The following PIEZO1 variants were observed in gnomAD, a reference collection of about 807,000 sequenced individuals.
PIEZO1 encodes the protein piezo-type mechanosensitive ion channel component 1.
Under a neutral mutation model 297.2 loss-of-function variants are expected in PIEZO1, and 296 were observed. The ratio of observed to expected loss-of-function variants is 1.00; its 90% CI spans 0.91 to 1.10. The LOEUF is 1.10. Ranked by LOEUF, PIEZO1 falls within the 50% of genes least tolerant of loss-of-function variation. PIEZO1 has a pLI of 0.00. For synonymous variants in PIEZO1, 2,427 were observed against 1,507.5 expected, an observed-to-expected ratio of 1.61 and a Z score of -14.13; for missense variants, 5,018 against 3,455.5, an observed-to-expected ratio of 1.45 and a Z score of -11.34.
At chr16:88,730,311 GC>G (rs1256057472) in intron 22 of PIEZO1, among the ~76,000 whole-genome samples, 1 of 152,236 alleles carries the variant, frequency 6.6e-6, no homozygotes, top group Admixed American at 6.5e-5. Flanking sequence ...ACAAGACGGG[GC>G]CGGGCGTGGC....
rs1220723783 is a variant in PIEZO1, at chr16:88,734,668, G to C, written c.1979C>G (p.Thr660Ser). 1.9e-6 allele frequency: 3 copies of C among 1,550,322 alleles called. No individual in the cohort carries two copies. Among genetic ancestry groups the C allele is most frequent in the Admixed American group, 3.9e-5 (2 of 51,016 alleles). The change falls in exon 15 of 51, where the codon ACT (threonine) becomes AGT (serine). Residue 660 changes from threonine (T) to serine (S), a missense_variant. Thr to Ser is a moderately conservative substitution (Grantham distance 58). Coordinates refer to ENST00000301015, the MANE Select transcript of PIEZO1 (RefSeq NM_001142864.4). ...GACTCACTGCTCGTCGGTGAAGCCA[G>C]TGAGGTTGCGCCAGTAGGCAGGGAA... ...QDFPAYWRNLTGFTDEQLGDL... is the reference protein window; with the variant it reads ...QDFPAYWRNLSGFTDEQLGDL...
intron 2 of PIEZO1, among the ~76,000 whole-genome samples, 158 bp from the exon 3 acceptor site, chr16:88,742,580 C>G (rs1905756818): frequency 6.6e-6 from 1 of 152,200 alleles, no homozygotes; most frequent in Non-Finnish European, 1.5e-5. Context: ...GGCCGGCCAG[C>G]CCCACTCCCC....
In PIEZO1 at chr16:88,738,697, C is replaced by T. The variant is rs1436253875; in HGVS notation, c.505G>A (p.Gly169Arg). 2.6e-6 allele frequency: 4 copies of T among 1,533,880 alleles called. No homozygotes were observed. The South Asian group carries it at 3.6e-5, about 14-fold the overall frequency. Residue 169 changes from glycine to arginine, a missense_variant, in exon 6 of 51, where the codon GGG becomes AGG. Coordinates refer to ENST00000301015, the MANE Select transcript of PIEZO1 (RefSeq NM_001142864.4). ...GCCAGCGTTGCTGCTTCCTGCAGCC[C>T]TGCCGTCGGGCTGGCATCCACATCC... is the stretch of plus-strand genomic sequence containing the variant. ...ERDVDASPTA[G>R]LQEAATLAPT...
Position 88,721,422 on chromosome 16 carries a change from G to A in PIEZO1, c.5412C>T (p.Gly1804=), listed in dbSNP as rs1363679530. The A allele has an allele frequency of 4.5e-6, 7 of 1,548,162 alleles. No individual in the cohort carries two copies. Among genetic ancestry groups the A allele is most frequent in the Middle Eastern group, 1.7e-4 (1 of 5,976 alleles). The change falls in exon 39 of 51, where the codon GGC becomes GGT. Residue 1804 remains glycine (G), a synonymous_variant. Transcript: ENST00000301015. ...FFHRSQLLCY[G]LWDHEEDSPS... ...GTGAGTCCTCCTCATGGTCCCAGAGGCCATAGCACTGAGGGGCGGGAGGGT... is the reference window on the plus strand; with the variant it reads ...GTGAGTCCTCCTCATGGTCCCAGAGACCATAGCACTGAGGGGCGGGAGGGT...
intron 1 of PIEZO1, among the ~76,000 whole-genome samples, chr16:88,781,358 A>G (rs995031659): frequency 1.3e-5 from 2 of 152,136 alleles, no homozygotes; most frequent in Admixed American, 6.5e-5. Context: ...GGCACCAGTG[A>G]CCCGCTGCGG....
rs1302233746 is a variant in PIEZO1, at chr16:88,734,642, G to A, written c.1997+8C>T. On this transcript the variant is annotated splice_region_variant and intron_variant, in intron 15 of 50. Transcript: ENST00000301015. ...CGCCCCTGCCCCACCGCCCCAGCCT[G>A]GACTCACTGCTCGTCGGTGAAGCCA... 2 of 1,550,156 alleles carry A rather than the reference G, an allele frequency of 1.3e-6. No individual in the cohort carries two copies. Among genetic ancestry groups the A allele is most frequent in the Non-Finnish European group, 1.7e-6 (2 of 1,146,862 alleles).
At chr16:88,776,744 C>G (rs1163524342) in intron 1 of PIEZO1, among the ~76,000 whole-genome samples, 1 of 152,230 alleles carries the variant, frequency 6.6e-6, no homozygotes, top group Non-Finnish European at 1.5e-5. Context: ...GACTGTGGGG[C>G]TGGACCCTGG....
intron 1 of PIEZO1, among the ~76,000 whole-genome samples, chr16:88,784,372 C>T (rs1353171063): frequency 2.0e-5 from 3 of 152,218 alleles, no homozygotes; most frequent in Non-Finnish European, 4.4e-5. Flanking sequence ...CAGCGGTGAG[C>T]GGGGCTGGGC....
chr16:88,748,803 C>T (rs1416394771), intron 2 of PIEZO1, among the ~76,000 whole-genome samples: 1 of 151,696 alleles, frequency 6.6e-6, no homozygotes, highest in Non-Finnish European at 1.5e-5. Context: ...CGTGGTGGCT[C>T]ACACCTGTAA....
At position 88,736,755 on chromosome 16, in the gene PIEZO1, G is replaced by A; in HGVS notation, c.1196-16C>T. On this transcript the variant is annotated splice_polypyrimidine_tract_variant and intron_variant, in intron 10 of 50. Transcript: ENST00000301015. ...TTGGGCCGCACTGCAGGTGGGGACA[G>A]CGGTCAGCTTCGGCAGGTTGATCTG... 6.7e-7 allele frequency: 1 copy of A among 1,487,784 alleles called. No homozygotes were observed. The highest frequency in any genetic ancestry group is 9.0e-7 in the Non-Finnish European group (1 of 1,111,718). 92.2% of individuals were successfully genotyped at this position (1,487,784 alleles called of 1,614,324 possible).
rs536821291 is a variant in PIEZO1 at position 88,716,597 on chromosome 16, C to A, written c.6888G>T (p.Thr2296=). The change falls in exon 47 of 51, where the codon ACG becomes ACT. Residue 2296 remains threonine, a synonymous_variant. Transcript: ENST00000301015. ...AQMKRELYNG[T]ADITLRFTWN... ...AGGTGAAGCGCAGGGTGATGTCGGC[C>A]GTGCCGTTGTAGAGCTCCCGCTTCA... 1.9e-6 allele frequency: 3 copies of A among 1,548,290 alleles called. No homozygotes were observed. The highest frequency in any genetic ancestry group is 2.7e-5 in the African/African-American group (2 of 73,050).
rs747793811 is a variant in PIEZO1, at chr16:88,715,408, C to T, written c.*197G>A. On this transcript the variant is annotated 3_prime_UTR_variant, in exon 51 of 51. Transcript: ENST00000301015. Reference sequence around the variant, plus strand: ...AAAACTCTACAGTACACGTGGGGGACGGCAGCGCCACGCAGGCCGTGGGGA... The same window carrying T: ...AAAACTCTACAGTACACGTGGGGGATGGCAGCGCCACGCAGGCCGTGGGGA... The T allele has an allele frequency of 9.0e-5, 87 of 969,544 alleles. No individual in the cohort carries two copies. The highest frequency in any genetic ancestry group is 3.3e-4 in the Middle Eastern group (1 of 3,026). 60.1% of individuals were successfully genotyped at this position (969,544 alleles called of 1,614,324 possible).
Position 88,715,625 on chromosome 16 carries a change from A to C in PIEZO1, c.7546T>G (p.Trp2516Gly). ...AGCTCCTACTCCTTCTCACGAGTCC[A>C]CTTGATCATGGTCTCCGGTGAGCGG... The part of the protein sequence containing the change: ...LYRSPETMIK[W>G]TREKE The change falls in exon 51 of 51, where the codon TGG becomes GGG. Residue 2516 changes from tryptophan to glycine, a missense_variant. Trp to Gly is a radical substitution (Grantham distance 184). Coordinates refer to ENST00000301015, the MANE Select transcript of PIEZO1 (RefSeq NM_001142864.4). 1 of 1,549,904 alleles carries C rather than the reference A, an allele frequency of 6.5e-7. No individual in the cohort carries two copies. Among genetic ancestry groups the C allele is most frequent in the Non-Finnish European group, 8.7e-7 (1 of 1,146,858 alleles).
At chr16:88,766,819 C>T (rs991667267) in intron 1 of PIEZO1, among the ~76,000 whole-genome samples, 51 of 152,248 alleles carry the variant, frequency 3.3e-4, no homozygotes, top group African/African-American at 1.2e-3. Context: ...GCTCTCAGAG[C>T]CACAGGGACG....
rs994611294 is a variant in PIEZO1, at chr16:88,732,425, A to C, written c.2901T>G (p.Phe967Leu). The C allele has an allele frequency of 6.5e-7, 1 of 1,549,748 alleles. No homozygotes were observed. ...QLAPLPAQAV[F>L]ASGTRQQLDQ... Reference sequence around the variant, plus strand: ...CCAGCTGCTGGCGGGTGCCGCTGGCAAACACGGCCTGGGCAGGCAGCGGGG... The same window carrying C: ...CCAGCTGCTGGCGGGTGCCGCTGGCCAACACGGCCTGGGCAGGCAGCGGGG... The change falls in exon 21 of 51, where the codon TTT becomes TTG. Residue 967 changes from phenylalanine to leucine, a missense_variant. Physicochemically the swap from Phe to Leu is conservative, Grantham distance 22. Coordinates refer to ENST00000301015, the MANE Select transcript of PIEZO1 (RefSeq NM_001142864.4).
chr16:88,759,999 C>T (rs1339684962), intron 1 of PIEZO1, among the ~76,000 whole-genome samples: 3 of 152,002 alleles, frequency 2.0e-5, no homozygotes, highest in African/African-American at 7.3e-5. Context: ...CCCAAAACCC[C>T]AGCTGCTTCA....
Position 88,727,179 on chromosome 16 carries a change from C to A in PIEZO1, c.3315G>T (p.Leu1105=). 1 of 1,542,232 alleles carries A rather than the reference C, an allele frequency of 6.5e-7. No individual in the cohort carries two copies. The highest frequency in any genetic ancestry group is 2.0e-5 in the Admixed American group (1 of 50,586). ...GCCACTGCTGGGAGGCGCACAGCAG[C>A]AGGAGAAAGTCGCCTGCAGGACACA... The part of the protein sequence containing the change: ...NSTNLISDFL[L]LLCASQQWQV... Residue 1105 remains leucine (L), a synonymous_variant, in exon 24 of 51, where the codon CTG becomes CTT. Transcript: ENST00000301015.
At chr16:88,778,201 C>G (rs1238289049) in intron 1 of PIEZO1, among the ~76,000 whole-genome samples, 2 of 152,218 alleles carry the variant, frequency 1.3e-5, no homozygotes, top group Non-Finnish European at 2.9e-5. Context: ...CCCGAGCCCC[C>G]TTCCTGCTTT....
rs576320358 is a variant in PIEZO1, at chr16:88,726,836, C to A, written c.3578G>T (p.Cys1193Phe). 1.3e-5 allele frequency: 20 copies of A among 1,550,376 alleles called. No homozygotes were observed. In the African/African-American group the frequency reaches 2.5e-4, roughly 19 times the overall value. Residue 1193 changes from cysteine to phenylalanine, a missense_variant, in exon 25 of 51, where the codon TGC becomes TTC. Cys to Phe is a radical substitution (Grantham distance 205, BLOSUM62 -2). Coordinates refer to ENST00000301015, the MANE Select transcript of PIEZO1 (RefSeq NM_001142864.4). ...SIFGLGYLLA[C>F]FYLLLFGTAL... ...CGTGCCGAAGAGCAGCAGGTAGAAG[C>A]AGGCCAGCAGGTAGCCCAGCCCGAA...
Sources: allele counts gnomAD v4.1 joint callset (sites outside exome capture counted in the v4.1 genomes callset), GRCh38; gene constraint gnomAD v4.1.1; transcripts MANE v1.5; gene names NCBI Gene and HGNC (gene_info 2026-07-23, HGNC 2026-07-21).